TANC1: variants seen among roughly 807,000 people sequenced by gnomAD.
TANC1 encodes protein TANC1.
A neutral mutation model predicts 149.7 loss-of-function variants in TANC1; 77 were observed. The observed-to-expected ratio is 0.51, with a 90% CI of 0.43 to 0.62. The LOEUF (loss-of-function observed/expected upper bound fraction) is 0.62. Ranked by LOEUF, TANC1 falls within the 20% of genes least tolerant of loss-of-function variation. The probability of loss-of-function intolerance (pLI) is 0.00; values close to 1 mark genes in which losing one functional copy is unlikely to be tolerated. For synonymous variants in TANC1, 854 were observed against 925.0 expected, an observed-to-expected ratio of 0.92 and a Z score of 1.39; for missense variants, 1,985 against 2,321.8, an observed-to-expected ratio of 0.85 and a Z score of 2.98.
intron 4 of TANC1, among the ~76,000 whole-genome samples, chr2:159,102,832 C>T (rs1427671227): frequency 1.1e-5 from 1 of 91,770 alleles, no homozygotes; most frequent in African/African-American, 3.3e-5. Context: ...CATTCTCCTG[C>T]TTCAGCCTTC....
chr2:158,968,678 G>C lies in TANC1; in HGVS notation c.-230G>C, dbSNP rs2032309768. Reference sequence around the variant, plus strand: ...CAGCTGCTGGAGCGGCGGCCGCCTCGGGAGCCGGAGGAGAGGCAGCCGCGG... The same window carrying C: ...CAGCTGCTGGAGCGGCGGCCGCCTCCGGAGCCGGAGGAGAGGCAGCCGCGG... On this transcript the variant is annotated 5_prime_UTR_variant, in exon 1 of 27. Coordinates refer to ENST00000263635, the MANE Select transcript of TANC1 (RefSeq NM_033394.3). 6.6e-6 allele frequency: 1 copy of C among 152,398 alleles called. No homozygotes were observed. The highest frequency in any genetic ancestry group is 1.9e-4 in the East Asian group (1 of 5,180). 9.4% of individuals were successfully genotyped at this position (152,398 alleles called of 1,614,324 possible).
intron 19 of TANC1, among the ~76,000 whole-genome samples, chr2:159,201,629 T>C (rs2058256907): frequency 6.6e-6 from 1 of 152,154 alleles, no homozygotes; most frequent in Admixed American, 6.5e-5. Context: ...TCCAAAACAC[T>C]CTAGGATGGA....
At chr2:159,106,325 T>A (rs917170261) in intron 4 of TANC1, among the ~76,000 whole-genome samples, 3 of 152,184 alleles carry the variant, frequency 2.0e-5, no homozygotes, top group Non-Finnish European at 2.9e-5. Flanking sequence ...TACTCTTCAC[T>A]CCCTACTTCC....
At chr2:159,124,294 A>T (rs1000731761) in intron 4 of TANC1, among the ~76,000 whole-genome samples, 5 of 152,204 alleles carry the variant, frequency 3.3e-5, no homozygotes, top group Non-Finnish European at 7.3e-5. Flanking sequence ...CAGTGAGCTG[A>T]GATCGCACCA....
At chr2:159,093,390 G>A (rs1467378814) in intron 3 of TANC1, among the ~76,000 whole-genome samples, 2 of 152,180 alleles carry the variant, frequency 1.3e-5, no homozygotes, top group African/African-American at 4.8e-5. Flanking sequence ...ACATCTACTG[G>A]AGAATCTCTG....
intron 2 of TANC1, among the ~76,000 whole-genome samples, chr2:159,058,941 G>A (rs754516093): frequency 2.6e-5 from 4 of 152,098 alleles, no homozygotes; most frequent in Non-Finnish European, 4.4e-5. Context: ...CTTAATTTTG[G>A]TGCATCAGAA....
chr2:159,199,338 T>C (rs2058082393), intron 19 of TANC1, among the ~76,000 whole-genome samples: 1 of 152,164 alleles, frequency 6.6e-6, no homozygotes, highest in Admixed American at 6.5e-5. Flanking sequence ...AACTAAGGTG[T>C]TGTTTTCTGA....
intron 1 of TANC1, among the ~76,000 whole-genome samples, chr2:158,998,824 A>G (rs940868049): frequency 1.3e-5 from 2 of 152,234 alleles, no homozygotes; most frequent in African/African-American, 4.8e-5. Context: ...GGGGAGAGCC[A>G]AAGGCCTGCC....
intron 5 of TANC1, among the ~76,000 whole-genome samples, chr2:159,137,152 T>A (rs978144794): frequency 1.3e-5 from 2 of 152,236 alleles, no homozygotes; most frequent in African/African-American, 4.8e-5. Flanking sequence ...TACTTTGGCA[T>A]ATCTGGCACC....
intron 14 of TANC1, among the ~76,000 whole-genome samples, chr2:159,185,142 T>C (rs2056856270): frequency 6.6e-6 from 1 of 152,204 alleles, no homozygotes; most frequent in Non-Finnish European, 1.5e-5. Flanking sequence ...TCACTCCTAT[T>C]GGAATAAGCA....
chr2:159,128,404 G>A (rs905874598), intron 4 of TANC1, among the ~76,000 whole-genome samples: 7 of 152,214 alleles, frequency 4.6e-5, no homozygotes, highest in African/African-American at 1.7e-4. Context: ...CTGGAGGAGA[G>A]CTGTCAGCAG....
At chr2:159,147,930 C>G (rs1257124949) in intron 5 of TANC1, 1 of 152,172 alleles carries the variant, frequency 6.6e-6, no homozygotes, top group Non-Finnish European at 1.5e-5. Flanking sequence ...GCCAGATGGC[C>G]TTTGCAAAAG....
intron 3 of TANC1, among the ~76,000 whole-genome samples, chr2:159,093,831 ATGCTTACAGCAT>A (rs2149879804): frequency 6.6e-6 from 1 of 151,734 alleles, no homozygotes; most frequent in South Asian, 2.1e-4. Context: ...GAAGGTCCTC[ATGCTTACAGCAT>A]GCTTTGGAAA....
chr2:159,000,298 G>T (rs1466408464), intron 1 of TANC1, among the ~76,000 whole-genome samples: 1 of 152,152 alleles, frequency 6.6e-6, no homozygotes, highest in Non-Finnish European at 1.5e-5. Context: ...GGGTAGGCGA[G>T]GCACCAGGGC....
intron 22 of TANC1, among the ~76,000 whole-genome samples, chr2:159,222,452 T>A (rs1350779312): frequency 1.3e-5 from 2 of 152,234 alleles, no homozygotes; most frequent in African/African-American, 4.8e-5. Flanking sequence ...TTTACCCCTT[T>A]AGATATCTCA....
intron 1 of TANC1, among the ~76,000 whole-genome samples, chr2:158,974,398 G>A (rs1045737165): frequency 1.3e-5 from 2 of 152,040 alleles, no homozygotes; most frequent in Non-Finnish European, 2.9e-5. Context: ...TGTATTATTT[G>A]CATATAGCTT....
At chr2:159,038,036 AGTG>A (rs1216102026) in intron 2 of TANC1, among the ~76,000 whole-genome samples, 1 of 152,192 alleles carries the variant, frequency 6.6e-6, no homozygotes, top group Non-Finnish European at 1.5e-5. Context: ...TTCGTTGAAC[AGTG>A]GTTTGTAGTT....
At chr2:159,140,933 C>T (rs1218195957) in intron 5 of TANC1, among the ~76,000 whole-genome samples, 2 of 152,062 alleles carry the variant, frequency 1.3e-5, no homozygotes, top group Admixed American at 6.5e-5. Context: ...TCAGGTGACC[C>T]ACCCGCCTTG....
intron 4 of TANC1, among the ~76,000 whole-genome samples, chr2:159,117,431 T>C (rs1379415237): frequency 6.6e-6 from 1 of 152,134 alleles, no homozygotes; most frequent in Non-Finnish European, 1.5e-5. Context: ...GGTCTTGCTC[T>C]GTTGCCCAGG....
Sources: gnomAD v4.1 joint callset for allele counts (sites outside exome capture counted in the v4.1 genomes callset) on GRCh38, gnomAD v4.1.1 for gene constraint, MANE v1.5 for transcripts, NCBI Gene and HGNC (gene_info 2026-07-23, HGNC 2026-07-21) for gene names.